Variants in SUSD1 observed in about 807,000 individuals in gnomAD.
SUSD1 encodes sushi domain-containing protein 1.
A neutral mutation model predicts 86.9 loss-of-function variants in SUSD1; 65 were observed. The observed-to-expected ratio is 0.75, with a 90% CI of 0.61 to 0.92. SUSD1 has a LOEUF of 0.92. SUSD1 is among the 40% of genes least tolerant of loss of function. The pLI is 0.00. For synonymous variants in SUSD1, 346 were observed against 350.0 expected, an observed-to-expected ratio of 0.99 and a Z score of 0.13; for missense variants, 850 against 929.7, an observed-to-expected ratio of 0.91 and a Z score of 1.11.
At chr9:112,155,874 A>G (rs1201090952) in intron 2 of SUSD1, among the ~76,000 whole-genome samples, 1 of 149,796 alleles carries the variant, frequency 6.7e-6, no homozygotes, top group Non-Finnish European at 1.5e-5. Flanking sequence ...AGGAAGAGGA[A>G]GAAGGAGAAG....
At chr9:112,112,902 G>T in intron 6 of SUSD1, 34 bp from the exon 7 acceptor site, 1 of 1,365,672 alleles carries the variant, frequency 7.3e-7, no homozygotes, top group Non-Finnish European at 1.0e-6. Flanking sequence ...CTCACAAAAT[G>T]CATCAATGGG....
intron 12 of SUSD1, among the ~76,000 whole-genome samples, chr9:112,068,233 T>C (rs1829078850): frequency 6.6e-6 from 1 of 152,062 alleles, no homozygotes; most frequent in Admixed American, 6.6e-5. Context: ...GCTGAGCCTA[T>C]CAAACACGGA....
chr9:112,165,938 GA>G lies in SUSD1; in HGVS notation c.104-8326del, dbSNP rs749846161. Among the ~76,000 whole-genome samples the G allele has an allele frequency of 5.5e-4, 58 of 104,682 alleles. 2 individuals are homozygous for G. Among genetic ancestry groups the G allele is most frequent in the African/African-American group, 2.3e-3 (58 of 24,780 alleles). 68.7% of individuals were successfully genotyped at this position (104,682 alleles called of 152,430 possible). A position where few individuals can be genotyped will look rare whatever the true frequency, so the allele number is the denominator to read the frequency against. On this transcript the variant is annotated intron_variant, in intron 1 of 16. Coordinates refer to ENST00000374270, the MANE Select transcript of SUSD1 (RefSeq NM_022486.5). ...GGAAGAAAGAAAAGAAAGAAAGAAA[GA>G]AAGAAGAAAGAAAGAAAGAAAGAAA...
rs761812350 is a variant in SUSD1 at position 112,080,082 on chromosome 9, TCTC to T, written c.1555_1557del (p.Glu519del). On this transcript the variant is annotated inframe_deletion, in exon 11 of 17. Transcript: ENST00000374270. ...AACTTTCAGTCACTTACTAAATACA[TCTC>T]CTCCATATCAGCTGTCTTGATGCTT... is the stretch of plus-strand genomic sequence containing the variant. The T allele has an allele frequency of 1.4e-4, 233 of 1,611,164 alleles. 1 individual carries two copies. The South Asian group carries it at 2.2e-3, about 15-fold the overall frequency.
intron 9 of SUSD1, among the ~76,000 whole-genome samples, chr9:112,101,225 A>G (rs1371590089): frequency 6.6e-6 from 1 of 151,754 alleles, no homozygotes; most frequent in African/African-American, 2.4e-5. Flanking sequence ...AGCAGGGCAT[A>G]GTGGTGCACA....
intron 8 of SUSD1, among the ~76,000 whole-genome samples, chr9:112,103,657 G>A (rs1334531376): frequency 2.0e-5 from 3 of 152,202 alleles, no homozygotes; most frequent in Non-Finnish European, 2.9e-5. Context: ...AAGTGATGGA[G>A]AATAAGTAAA....
intron 10 of SUSD1, among the ~76,000 whole-genome samples, chr9:112,090,662 C>A (rs1189586276): frequency 6.6e-6 from 1 of 151,938 alleles, no homozygotes; most frequent in Non-Finnish European, 1.5e-5. Flanking sequence ...CGACAATACA[C>A]AATGACCAAG....
intron 5 of SUSD1, among the ~76,000 whole-genome samples, chr9:112,139,765 A>C (rs1014627554): frequency 2.0e-5 from 3 of 152,056 alleles, no homozygotes; most frequent in Non-Finnish European, 2.9e-5. Context: ...AAAATAACTT[A>C]TTTCCAATTA....
intron 10 of SUSD1, among the ~76,000 whole-genome samples, chr9:112,088,421 T>C (rs1830069542): frequency 6.6e-6 from 1 of 152,084 alleles, no homozygotes; most frequent in Non-Finnish European, 1.5e-5. Flanking sequence ...AAAAGGAAAA[T>C]AGAATAAACT....
chr9:112,067,926 C>T (rs12554322), intron 12 of SUSD1, among the ~76,000 whole-genome samples: 13,226 of 151,926 alleles, frequency 0.087, 1,345 homozygotes, highest in African/African-American at 0.23. Context: ...GGGTAGAAAC[C>T]CTCAATCTCA....
At chr9:112,169,315 A>G (rs1445436837) in intron 1 of SUSD1, 5 of 151,904 alleles carry the variant, frequency 3.3e-5, no homozygotes, top group African/African-American at 1.2e-4. Flanking sequence ...AGTTATCTCA[A>G]TTGATTGTGG....
At chr9:112,072,033 G>A (rs1829291215) in intron 12 of SUSD1, among the ~76,000 whole-genome samples, 1 of 151,958 alleles carries the variant, frequency 6.6e-6, no homozygotes. Context: ...TCAGTAGGCA[G>A]CACAGGTCTT....
intron 12 of SUSD1, among the ~76,000 whole-genome samples, chr9:112,074,479 C>T (rs1240941290): frequency 6.6e-6 from 1 of 152,196 alleles, no homozygotes; most frequent in East Asian, 1.9e-4. Flanking sequence ...ACACTTGCCT[C>T]TGTCCCTCAA....
chr9:112,118,144 G>A (rs1463753423), intron 6 of SUSD1, among the ~76,000 whole-genome samples: 1 of 152,172 alleles, frequency 6.6e-6, no homozygotes, highest in East Asian at 1.9e-4. Context: ...CAAACAGATG[G>A]TCAAGCAAGC....
intron 1 of SUSD1, chr9:112,173,588 T>A (rs1406323347): frequency 7.7e-6 from 3 of 391,134 alleles, no homozygotes; most frequent in Admixed American, 6.0e-5. Context: ...AAGCTGGAGC[T>A]GCAGCCTGAG....
chr9:112,172,838 T>C (rs1311523159), intron 1 of SUSD1, among the ~76,000 whole-genome samples: 1 of 151,938 alleles, frequency 6.6e-6, no homozygotes, highest in African/African-American at 2.4e-5. Flanking sequence ...AATGGGCTTG[T>C]CCAAGCCTCC....
At chr9:112,164,664 GC>G (rs1833702505) in intron 1 of SUSD1, among the ~76,000 whole-genome samples, 2 of 152,084 alleles carry the variant, frequency 1.3e-5, no homozygotes, top group African/African-American at 2.4e-5. Flanking sequence ...AAACACCTGG[GC>G]CAGGCACAGT....
chr9:112,064,365 A>G (rs9695757), intron 12 of SUSD1, among the ~76,000 whole-genome samples: 53,128 of 152,042 alleles, frequency 0.35, 12,049 homozygotes, highest in African/African-American at 0.64. Context: ...AGGGATCTAG[A>G]TTGTGCACTC....
At chr9:112,050,412 C>T (rs1291486031) in intron 15 of SUSD1, among the ~76,000 whole-genome samples, 1 of 152,152 alleles carries the variant, frequency 6.6e-6, no homozygotes, top group Non-Finnish European at 1.5e-5. Context: ...AAAATAAGAT[C>T]AGGAGAGAAG....
Sources: allele counts gnomAD v4.1 joint callset (sites outside exome capture counted in the v4.1 genomes callset), GRCh38; gene constraint gnomAD v4.1.1; transcripts MANE v1.5; gene names NCBI Gene and HGNC (gene_info 2026-07-23, HGNC 2026-07-21).